ASAP2: variants seen among roughly 807,000 people sequenced by gnomAD.
ASAP2 encodes ArfGAP with SH3 domain, ankyrin repeat and PH domain 2, also known as arf-GAP with SH3 domain, ANK repeat and PH domain-containing protein 2.
In ASAP2, 45 loss-of-function variants were observed where a neutral mutation model predicts 131.4. The observed-to-expected ratio is 0.34, with a 90% confidence interval of 0.27 to 0.44. ASAP2 has a LOEUF of 0.44. ASAP2 is among the 20% of genes least tolerant of loss of function. ASAP2 has a pLI of 1.00. For missense variants in ASAP2, 1,011 were observed against 1,297.0 expected (o/e 0.78, Z 3.39); for synonymous variants, 510 against 503.0 (o/e 1.01, Z -0.19).
At chr2:9,225,236 C>T (rs1662677218) in intron 1 of ASAP2, among the ~76,000 whole-genome samples, 1 of 152,156 alleles carries the variant, frequency 6.6e-6, no homozygotes, top group Non-Finnish European at 1.5e-5. Context: ...TTGTCCCAAG[C>T]CTGGTTAGAG....
At chr2:9,387,072 G>A (rs1437290938) in intron 21 of ASAP2, among the ~76,000 whole-genome samples, 4 of 136,362 alleles carry the variant, frequency 2.9e-5, no homozygotes, top group Non-Finnish European at 6.0e-5. Context: ...CGGGCTTGGT[G>A]GTGGGTGGGG....
intron 1 of ASAP2, among the ~76,000 whole-genome samples, chr2:9,231,875 CACCCACTTG>C (rs1420052072): frequency 2.0e-5 from 3 of 152,214 alleles, no homozygotes; most frequent in Admixed American, 2.0e-4. Flanking sequence ...GTGCCCCTCC[CACCCACTTG>C]ACCCAGCGGA....
Position 9,350,719 on chromosome 2 carries a change from T to TG in ASAP2, c.1024-88dup. 2.8e-6 allele frequency: 3 copies of TG among 1,087,932 alleles called. No homozygotes were observed. The South Asian group carries it at 5.0e-5, about 18-fold the overall frequency. 67.4% of individuals were successfully genotyped at this position (1,087,932 alleles called of 1,614,324 possible). On this transcript the variant is annotated intron_variant, in intron 11 of 27. Coordinates refer to ENST00000281419, the MANE Select transcript of ASAP2 (RefSeq NM_003887.3). ...TGCAAACTAGTGAAGAGCTTGCTGTTGCTGTATCTCGTGAGGATTGATACT... is the reference window on the plus strand; with the variant it reads ...TGCAAACTAGTGAAGAGCTTGCTGTTGGCTGTATCTCGTGAGGATTGATACT...
intron 18 of ASAP2, among the ~76,000 whole-genome samples, chr2:9,378,196 GC>G (rs1481863223): frequency 6.6e-6 from 1 of 152,124 alleles, no homozygotes; most frequent in Non-Finnish European, 1.5e-5. Context: ...TCCTGAGATC[GC>G]CTTTCTGTCT....
At chr2:9,296,705 A>G (rs902496453) in intron 2 of ASAP2, among the ~76,000 whole-genome samples, 11 of 152,224 alleles carry the variant, frequency 7.2e-5, no homozygotes, top group African/African-American at 2.4e-4. Context: ...AGAGGTGCCA[A>G]TGAAATACCC....
At chr2:9,321,914 A>T (rs1041474797) in intron 5 of ASAP2, among the ~76,000 whole-genome samples, 1 of 152,300 alleles carries the variant, frequency 6.6e-6, no homozygotes, top group African/African-American at 2.4e-5. Flanking sequence ...AATGTGGGAG[A>T]TTCATTTATC....
chr2:9,272,779 A>G (rs1434902244), intron 1 of ASAP2, among the ~76,000 whole-genome samples: 1 of 152,202 alleles, frequency 6.6e-6, no homozygotes, highest in Non-Finnish European at 1.5e-5. Flanking sequence ...ATGGATATTT[A>G]GTCTTCCCAG....
intron 9 of ASAP2, among the ~76,000 whole-genome samples, chr2:9,341,258 G>C (rs1051377188): frequency 2.6e-5 from 4 of 152,182 alleles, no homozygotes; most frequent in South Asian, 2.1e-4. Flanking sequence ...GCTAACAAAG[G>C]CTATTGTTAC....
rs148715499 is a variant in ASAP2 at position 9,317,339 on chromosome 2, A to AAT, written c.346-1185_346-1184insAT. ...CACTCACACAATCATATCTTCACTC[A>AAT]CACACACCCTCACACAATCATTCAC... On this transcript the variant is annotated intron_variant, in intron 3 of 27. Coordinates refer to ENST00000281419, the MANE Select transcript of ASAP2 (RefSeq NM_003887.3). Among the ~76,000 whole-genome samples, 13 of 137,292 alleles carry AAT rather than the reference A, an allele frequency of 9.5e-5. No homozygotes were observed. The East Asian group carries it at 1.1e-3, about 12-fold the overall frequency. 90.1% of individuals were successfully genotyped at this position (137,292 alleles called of 152,430 possible). A position where few individuals can be genotyped will look rare whatever the true frequency, so the allele number is the denominator to read the frequency against.
At chr2:9,372,674 C>A (rs1674069323) in intron 16 of ASAP2, among the ~76,000 whole-genome samples, 1 of 152,006 alleles carries the variant, frequency 6.6e-6, no homozygotes, top group Admixed American at 6.5e-5. Flanking sequence ...TCATAAAAAC[C>A]AGTAAGATAA....
chr2:9,313,689 G>A (rs73155696), intron 3 of ASAP2, among the ~76,000 whole-genome samples: 239 of 152,284 alleles, frequency 1.6e-3, no homozygotes, highest in African/African-American at 5.3e-3. Flanking sequence ...GACCTGCGCC[G>A]GTGACTCTGA....
intron 1 of ASAP2, among the ~76,000 whole-genome samples, chr2:9,245,997 A>C (rs1664312067): frequency 6.6e-6 from 1 of 152,198 alleles, no homozygotes; most frequent in African/African-American, 2.4e-5. Context: ...TGGCTATCTA[A>C]GTTTAGAAGG....
chr2:9,362,567 G>C (rs1673175396), intron 15 of ASAP2, among the ~76,000 whole-genome samples: 1 of 152,140 alleles, frequency 6.6e-6, no homozygotes, highest in South Asian at 2.1e-4. Flanking sequence ...AGCCTGGTGT[G>C]GTGGCCGGCG....
intron 22 of ASAP2, 31 bp from the exon 23 acceptor site, chr2:9,391,031 C>T: frequency 6.2e-7 from 1 of 1,614,064 alleles, no homozygotes; most frequent in Non-Finnish European, 8.5e-7. Context: ...TGTGTGCGTG[C>T]ATGCGTCTGT....
chr2:9,265,478 A>G (rs908189949), intron 1 of ASAP2, among the ~76,000 whole-genome samples: 1 of 152,230 alleles, frequency 6.6e-6, no homozygotes, highest in Non-Finnish European at 1.5e-5. Context: ...AGAAGAGAAA[A>G]GGGTAACAAA....
At chr2:9,252,024 G>A (rs1270760251) in intron 1 of ASAP2, among the ~76,000 whole-genome samples, 1 of 151,856 alleles carries the variant, frequency 6.6e-6, no homozygotes, top group Non-Finnish European at 1.5e-5. Context: ...GGGAAGTACT[G>A]GCCAGTAGGT....
chr2:9,250,399 C>T (rs1053574277), intron 1 of ASAP2, among the ~76,000 whole-genome samples: 17 of 152,156 alleles, frequency 1.1e-4, no homozygotes, highest in African/African-American at 3.9e-4. Flanking sequence ...TCGCGGTGCC[C>T]CAGGTGCCAT....
intron 24 of ASAP2, among the ~76,000 whole-genome samples, chr2:9,397,475 G>A (rs1031284627): frequency 1.3e-5 from 2 of 152,122 alleles, no homozygotes; most frequent in Non-Finnish European, 2.9e-5. Context: ...TGTCGTCAGC[G>A]CCCAGTGGAG....
chr2:9,399,916 C>G, intron 24 of ASAP2, 107 bp from the exon 25 acceptor site: 1 of 1,171,646 alleles, frequency 8.5e-7, no homozygotes, highest in Non-Finnish European at 1.3e-6. Flanking sequence ...AGGAAACCAC[C>G]TCACACACTC....
Sources: allele counts gnomAD v4.1 joint callset (sites outside exome capture counted in the v4.1 genomes callset), GRCh38; gene constraint gnomAD v4.1.1; transcripts MANE v1.5; gene names NCBI Gene and HGNC (gene_info 2026-07-23, HGNC 2026-07-21).